ASXL1: variants seen among roughly 807,000 people sequenced by gnomAD.
The protein encoded by ASXL1 is ASXL transcriptional regulator 1, also known as polycomb group protein ASXL1.
In ASXL1, 65 loss-of-function variants were observed where a neutral mutation model predicts 89.1. The ratio of observed to expected loss-of-function variants is 0.73; its 90% CI spans 0.60 to 0.90. ASXL1 has a LOEUF of 0.90. Ranked by LOEUF, ASXL1 falls within the 40% of genes least tolerant of loss-of-function variation. The pLI is 0.00. For synonymous variants in ASXL1, 739 were observed against 746.9 expected (o/e 0.99, Z 0.17); for missense variants, 1,786 against 1,942.9 (o/e 0.92, Z 1.52).
At chr20:32,386,233 A>G (rs1286878298) in intron 4 of ASXL1, among the ~76,000 whole-genome samples, 1 of 152,182 alleles carries the variant, frequency 6.6e-6, no homozygotes, top group African/African-American at 2.4e-5. Flanking sequence ...CACATAGAAG[A>G]GGTGCTGTGG....
At chr20:32,378,382 C>T (rs1003626535) in intron 4 of ASXL1, among the ~76,000 whole-genome samples, 17 of 151,948 alleles carry the variant, frequency 1.1e-4, no homozygotes, top group Non-Finnish European at 1.6e-4. Context: ...CCATTTTTGG[C>T]GTCAGGTTGG....
chr20:32,397,764 T>C (rs941191368), intron 4 of ASXL1, among the ~76,000 whole-genome samples: 5 of 152,220 alleles, frequency 3.3e-5, no homozygotes, highest in African/African-American at 1.2e-4. Context: ...AAAGTTTGCG[T>C]TGGGCCGCAT....
chr20:32,415,018 T>G (rs1365666566), intron 4 of ASXL1, among the ~76,000 whole-genome samples: 1 of 151,784 alleles, frequency 6.6e-6, no homozygotes. Flanking sequence ...GTTTGTTTTG[T>G]TTTGTTTGAG....
chr20:32,386,262 A>T (rs2122961052), intron 4 of ASXL1, among the ~76,000 whole-genome samples: 1 of 152,332 alleles, frequency 6.6e-6, no homozygotes, highest in East Asian at 1.9e-4. Context: ...CTCAGTGCCA[A>T]CAGTTGAATT....
At chr20:32,392,671 T>C (rs1002689352) in intron 4 of ASXL1, among the ~76,000 whole-genome samples, 2 of 151,896 alleles carry the variant, frequency 1.3e-5, no homozygotes. Context: ...CATTTTGATA[T>C]GCTATGTTTT....
chr20:32,377,404 G>A (rs1005647431), intron 4 of ASXL1, among the ~76,000 whole-genome samples: 1 of 151,810 alleles, frequency 6.6e-6, no homozygotes, highest in Non-Finnish European at 1.5e-5. Context: ...TTACTGATTT[G>A]CTGGAGATTT....
chr20:32,399,231 G>A lies in ASXL1; in HGVS notation c.253-28897G>A, dbSNP rs1409904670. ...GTTTCAAAGAAAAAAAAAAGAATAC[G>A]TAGTTGACAGGTTTTTTTTTCTTTC... is the stretch of plus-strand genomic sequence containing the variant. On this transcript the variant is annotated intron_variant, in intron 4 of 12. Coordinates refer to ENST00000375687, the MANE Select transcript of ASXL1 (RefSeq NM_015338.6). 4.0e-5 allele frequency among the ~76,000 whole-genome samples: 6 copies of A among 151,870 alleles called. No individual in the cohort carries two copies. In the South Asian group the frequency reaches 1.0e-3, roughly 26 times the overall value.
At position 32,397,041 on chromosome 20, in the gene ASXL1, T is replaced by G. The variant is rs1214747311; in HGVS notation, c.252+27918T>G. Among the ~76,000 whole-genome samples, 10 of 149,276 alleles carry G rather than the reference T, an allele frequency of 6.7e-5. No homozygotes were observed. The East Asian group carries it at 1.9e-3, about 29-fold the overall frequency. On this transcript the variant is annotated intron_variant, in intron 4 of 12. Transcript: ENST00000375687. Reference sequence around the variant, plus strand: ...AACTCACTGTGGCTTTTTTTTTTTTTCCCTGTATTTTTCTTTTTCCCGAGA... The same window carrying G: ...AACTCACTGTGGCTTTTTTTTTTTTGCCCTGTATTTTTCTTTTTCCCGAGA...
At chr20:32,364,213 T>A (rs2048169045) in intron 1 of ASXL1, among the ~76,000 whole-genome samples, 1 of 152,080 alleles carries the variant, frequency 6.6e-6, no homozygotes, top group Non-Finnish European at 1.5e-5. Context: ...TTGCTTTCTA[T>A]TATTATTATT....
At chr20:32,359,937 A>T in intron 1 of ASXL1, 1 of 688,620 alleles carries the variant, frequency 1.5e-6, no homozygotes, top group Non-Finnish European at 2.7e-6. Context: ...TGTGGTGCGG[A>T]TAGCATAAGT....
intron 4 of ASXL1, among the ~76,000 whole-genome samples, chr20:32,382,122 A>ATTTTTAT (rs1054497690): frequency 2.0e-5 from 3 of 151,522 alleles, no homozygotes; most frequent in African/African-American, 4.8e-5. Context: ...AGGCCTGGCT[A>ATTTTTAT]TTTTTATTTT....
chr20:32,429,001 G>A lies in ASXL1; in HGVS notation c.472-337G>A. On this transcript the variant is annotated intron_variant, in intron 6 of 12. Coordinates refer to ENST00000375687, the MANE Select transcript of ASXL1 (RefSeq NM_015338.6). The surrounding 1 kb of genome is among the most constrained non-coding windows in gnomAD (Gnocchi z 4.9). The stretch of plus-strand genomic sequence containing the variant: ...TTGTAATATACACGTGAACATTCAG[G>A]GAGAAGTGTGGTTAGTGCAGAGTAG... 2.7e-6 allele frequency: 1 copy of A among 372,392 alleles called. No individual in the cohort carries two copies. Among genetic ancestry groups the A allele is most frequent in the East Asian group, 6.5e-5 (1 of 15,448 alleles). The allele number at this position is 372,392 out of a possible 1,614,324, so 23.1% of individuals were successfully genotyped here.
chr20:32,436,482 C>G lies in ASXL1; in HGVS notation c.3770C>G (p.Ala1257Gly). Residue 1257 changes from alanine (A) to glycine (G), a missense_variant, in exon 13 of 13, where the codon GCT becomes GGT. Physicochemically the swap from Ala to Gly is moderately conservative, Grantham distance 60. Coordinates refer to ENST00000375687, the MANE Select transcript of ASXL1 (RefSeq NM_015338.6). Reference protein sequence around the residue: ...RAMSQDSNSNAAPGKSPGDLT... With the variant: ...RAMSQDSNSNGAPGKSPGDLT... ...ATGTCACAGGACAGTAATTCAAATG[C>G]TGCTCCAGGAAAGAGCCCAGGAGAT... 6.2e-7 allele frequency: 1 copy of G among 1,614,176 alleles called. No individual in the cohort carries two copies. Among genetic ancestry groups the G allele is most frequent in the Non-Finnish European group, 8.5e-7 (1 of 1,180,036 alleles).
intron 4 of ASXL1, among the ~76,000 whole-genome samples, chr20:32,372,973 C>G (rs183379971): frequency 1.4e-5 from 2 of 147,330 alleles, no homozygotes; most frequent in Non-Finnish European, 3.0e-5. Flanking sequence ...GAGACAGTCT[C>G]GCTTTGTTGC....
chr20:32,429,883 G>A lies in ASXL1; in HGVS notation c.566-18G>A. On this transcript the variant is annotated intron_variant, in intron 7 of 12. Coordinates refer to ENST00000375687, the MANE Select transcript of ASXL1 (RefSeq NM_015338.6). This position sits in a 1 kb window ranked among gnomAD's most constrained non-coding sequence, Gnocchi z 4.9. ...CGGCTTGGTGATACTTTTGACCAGT[G>A]GAATGCTGTGCCTTCAGGGTTCTCG... The A allele has an allele frequency of 6.2e-7, 1 of 1,606,748 alleles. No individual in the cohort carries two copies. The highest frequency in any genetic ancestry group is 8.5e-7 in the Non-Finnish European group (1 of 1,179,450).
chr20:32,410,554 T>G (rs2049025386), intron 4 of ASXL1, among the ~76,000 whole-genome samples: 1 of 152,232 alleles, frequency 6.6e-6, no homozygotes, highest in Non-Finnish European at 1.5e-5. Context: ...ATGTGATCCT[T>G]CTTTCTCTCT....
intron 1 of ASXL1, chr20:32,359,841 G>A (rs1477832760): frequency 2.0e-5 from 14 of 717,562 alleles, no homozygotes; most frequent in Non-Finnish European, 3.6e-5. Context: ...GACACTTTGA[G>A]ACATATTCGG....
chr20:32,394,896 T>C (rs2048735685), intron 4 of ASXL1, among the ~76,000 whole-genome samples: 1 of 151,908 alleles, frequency 6.6e-6, no homozygotes, highest in Non-Finnish European at 1.5e-5. Context: ...GTATTATTAG[T>C]AGAGATGGGG....
At chr20:32,363,203 T>C (rs1452887632) in intron 1 of ASXL1, among the ~76,000 whole-genome samples, 1 of 152,218 alleles carries the variant, frequency 6.6e-6, no homozygotes, top group Admixed American at 6.5e-5. Context: ...TCTTAAATTC[T>C]CAGGCTATTT....
Sources: allele counts gnomAD v4.1 joint callset (sites outside exome capture counted in the v4.1 genomes callset), GRCh38; gene constraint gnomAD v4.1.1; non-coding constraint Gnocchi (gnomAD v3.1); transcripts MANE v1.5; gene names NCBI Gene and HGNC (gene_info 2026-07-23, HGNC 2026-07-21).